PTPRN2: variants seen among roughly 807,000 people sequenced by gnomAD.
The protein encoded by PTPRN2 is protein tyrosine phosphatase receptor type N2.
PTPRN2 carries 74 observed loss-of-function variants against 118.8 expected under a neutral mutation model. That is an observed-to-expected ratio of 0.62 (90% confidence interval 0.52 to 0.76). The LOEUF is 0.76. Ranked by LOEUF, PTPRN2 falls within the 30% of genes least tolerant of loss-of-function variation. The pLI, the probability that PTPRN2 is intolerant of heterozygous loss-of-function variation, is 0.00. For synonymous variants in PTPRN2, 641 were observed against 608.0 expected, an observed-to-expected ratio of 1.05 and a Z score of -0.80; for missense variants, 1,481 against 1,394.4, an observed-to-expected ratio of 1.06 and a Z score of -0.99.
chr7:158,548,976 C>A (rs780035014), intron 1 of PTPRN2, among the ~76,000 whole-genome samples: 36 of 152,230 alleles, frequency 2.4e-4, no homozygotes, highest in Non-Finnish European at 3.7e-4. Context: ...CAGGCACGGC[C>A]AACGCCCGGC....
At chr7:158,190,576 G>C (rs926494184) in intron 5 of PTPRN2, among the ~76,000 whole-genome samples, 1 of 152,186 alleles carries the variant, frequency 6.6e-6, no homozygotes. Flanking sequence ...CTTAGAGGGA[G>C]ACCTGGGGCC....
intron 11 of PTPRN2, among the ~76,000 whole-genome samples, chr7:157,905,441 T>C (rs1369545851): frequency 2.0e-5 from 3 of 152,218 alleles, no homozygotes; most frequent in Non-Finnish European, 2.9e-5. Context: ...AGCCCGTTTT[T>C]ATCTTCATGG....
intron 6 of PTPRN2, among the ~76,000 whole-genome samples, chr7:158,143,942 G>C (rs989788299): frequency 6.6e-6 from 1 of 152,032 alleles, no homozygotes; most frequent in Non-Finnish European, 1.5e-5. Flanking sequence ...CGTCCCCCCC[G>C]CAGCCGGAGC....
chr7:157,672,951 C>T (rs779074424), intron 13 of PTPRN2, among the ~76,000 whole-genome samples: 7 of 152,226 alleles, frequency 4.6e-5, no homozygotes, highest in South Asian at 2.1e-4. Context: ...TCTGGGGCTG[C>T]ATTATTATCC....
intron 1 of PTPRN2, among the ~76,000 whole-genome samples, chr7:158,586,507 AC>A: frequency 6.6e-6 from 1 of 152,148 alleles, no homozygotes; most frequent in South Asian, 2.1e-4. Flanking sequence ...GATTATCCTA[AC>A]CTGTCATGTG....
rs1803325506 is a variant in PTPRN2, at chr7:157,622,580, TG to T, written c.2197-1072del. 6.6e-6 allele frequency among the ~76,000 whole-genome samples: 1 copy of T among 152,098 alleles called. No individual in the cohort carries two copies. The highest frequency in any genetic ancestry group is 2.4e-5 in the African/African-American group (1 of 41,416). On this transcript the variant is annotated intron_variant, in intron 14 of 22. Transcript: ENST00000389418. This position sits in a 1 kb window ranked among gnomAD's most constrained non-coding sequence, Gnocchi z 5.3. Reference sequence around the variant, plus strand: ...AATCTCAGGTCATCGTGCCGTCTAGTGGAAGTTTTGACCACAGCCAACCTGA... The same window carrying T: ...AATCTCAGGTCATCGTGCCGTCTAGTGAAGTTTTGACCACAGCCAACCTGA...
intron 14 of PTPRN2, among the ~76,000 whole-genome samples, chr7:157,650,180 C>A (rs146103598): frequency 2.0e-5 from 3 of 152,310 alleles, no homozygotes; most frequent in Non-Finnish European, 2.9e-5. Context: ...TGGTTTAATG[C>A]CGTCTCTGGT....
intron 12 of PTPRN2, among the ~76,000 whole-genome samples, chr7:157,776,477 C>T (rs1803271620): frequency 6.9e-6 from 1 of 145,504 alleles, no homozygotes; most frequent in Non-Finnish European, 1.5e-5. Flanking sequence ...CCTTCTCCCT[C>T]TCCTCCTCCC....
At chr7:158,176,473 T>C (rs893398221) in intron 5 of PTPRN2, among the ~76,000 whole-genome samples, 1 of 152,214 alleles carries the variant, frequency 6.6e-6, no homozygotes, top group Non-Finnish European at 1.5e-5. Flanking sequence ...AGGCTGTGTA[T>C]GTCTGTCGAG....
intron 3 of PTPRN2, among the ~76,000 whole-genome samples, chr7:158,256,516 G>A (rs1797031247): frequency 6.6e-6 from 1 of 152,102 alleles, no homozygotes; most frequent in South Asian, 2.1e-4. Flanking sequence ...TAAGGCCCCG[G>A]AAGACCTACC....
At chr7:157,800,719 G>A (rs1314254340) in intron 12 of PTPRN2, among the ~76,000 whole-genome samples, 2 of 152,024 alleles carry the variant, frequency 1.3e-5, no homozygotes, top group African/African-American at 4.8e-5. Context: ...TTGGGAGGCC[G>A]AGGCGGGCGG....
chr7:157,829,437 A>G (rs1462885872), intron 12 of PTPRN2, among the ~76,000 whole-genome samples: 1 of 152,220 alleles, frequency 6.6e-6, no homozygotes, highest in African/African-American at 2.4e-5. Flanking sequence ...GAGGCCACAG[A>G]TGCGGGCCCG....
chr7:158,210,131 CTT>C (rs869191127), intron 3 of PTPRN2, among the ~76,000 whole-genome samples: 25 of 108,654 alleles, frequency 2.3e-4, no homozygotes, highest in Non-Finnish European at 3.2e-4. Flanking sequence ...AATGATGCAT[CTT>C]TTTTTTTTTT....
chr7:158,061,285 A>C (rs559035249), intron 11 of PTPRN2, among the ~76,000 whole-genome samples: 50 of 152,378 alleles, frequency 3.3e-4, no homozygotes, highest in African/African-American at 1.1e-3. Flanking sequence ...GGACCCAGGG[A>C]CCACTTAAAA....
chr7:158,390,446 G>T (rs1168593121), intron 2 of PTPRN2, among the ~76,000 whole-genome samples: 6 of 152,244 alleles, frequency 3.9e-5, no homozygotes, highest in African/African-American at 1.4e-4. Context: ...GGTGAGACCT[G>T]CGGAGTCTCT....
intron 11 of PTPRN2, among the ~76,000 whole-genome samples, chr7:157,926,340 G>A (rs1490659224): frequency 1.3e-5 from 2 of 150,918 alleles, no homozygotes; most frequent in African/African-American, 4.9e-5. Flanking sequence ...ACGTCCCTCT[G>A]TCTGTCCACC....
intron 14 of PTPRN2, among the ~76,000 whole-genome samples, chr7:157,644,572 C>A (rs36056775): frequency 1.3e-5 from 2 of 151,902 alleles, no homozygotes; most frequent in African/African-American, 4.8e-5. Flanking sequence ...CTGAGGCAGG[C>A]GGATCACGAG....
At position 158,071,159 on chromosome 7, in the gene PTPRN2, GTGGTGGAGGTGCTCT is replaced by G. The variant is rs1204013290; in HGVS notation, c.1723+10124_1723+10138del. 5.3e-3 allele frequency among the ~76,000 whole-genome samples: 187 copies of G among 35,174 alleles called. 21 individuals carry two copies. The highest frequency in any genetic ancestry group is 7.8e-3 in the Non-Finnish European group (142 of 18,140). The allele number at this position is 35,174 out of a possible 152,430, so 23.1% of individuals were successfully genotyped here. A position where few individuals can be genotyped will look rare whatever the true frequency, so the allele number is the denominator to read the frequency against. On this transcript the variant is annotated intron_variant, in intron 11 of 22. Coordinates refer to ENST00000389418, the MANE Select transcript of PTPRN2 (RefSeq NM_002847.5). ...GGTGCTCGTGGTGGTGGAGGTGCTC[GTGGTGGAGGTGCTCT>G]TAGTATGGAGGTGCTCATGGTGGTG...
At chr7:157,750,277 G>A (rs1037461682) in intron 12 of PTPRN2, among the ~76,000 whole-genome samples, 8 of 152,146 alleles carry the variant, frequency 5.3e-5, no homozygotes, top group Non-Finnish European at 1.0e-4. Context: ...TCTTTCTCTT[G>A]TTTCTTGTTG....
Sources: gnomAD v4.1 joint callset for allele counts (sites outside exome capture counted in the v4.1 genomes callset) on GRCh38, gnomAD v4.1.1 for gene constraint, Gnocchi (gnomAD v3.1) non-coding constraint, MANE v1.5 for transcripts, NCBI Gene and HGNC (gene_info 2026-07-23, HGNC 2026-07-21) for gene names.